Variants in CDH23 observed in about 807,000 individuals in gnomAD.
CDH23 encodes the protein cadherin-23.
A neutral mutation model predicts 317.1 loss-of-function variants in CDH23; 189 were observed. The observed-to-expected ratio is 0.60, with a 90% CI of 0.53 to 0.67. The LOEUF is 0.67. CDH23 is among the 30% of genes least tolerant of loss of function. The pLI is 0.00. For synonymous variants in CDH23, 1,839 were observed against 1,876.8 expected (o/e 0.98, Z 0.52); for missense variants, 4,401 against 4,592.4 (o/e 0.96, Z 1.20).
chr10:71,595,889 G>T (rs1859806969), intron 9 of CDH23, among the ~76,000 whole-genome samples: 1 of 152,172 alleles, frequency 6.6e-6, no homozygotes, highest in South Asian at 2.1e-4. Context: ...AAGCCCAGAG[G>T]TGACCACGTG....
intron 35 of CDH23, among the ~76,000 whole-genome samples, 186 bp from the exon 36 acceptor site, chr10:71,739,458 C>T (rs1589388601): frequency 6.6e-6 from 1 of 152,310 alleles, no homozygotes; most frequent in Non-Finnish European, 1.5e-5. Flanking sequence ...GCTACACTAC[C>T]TCCATGGGCC....
At chr10:71,586,997 T>C (rs1219839273) in intron 9 of CDH23, among the ~76,000 whole-genome samples, 1 of 152,244 alleles carries the variant, frequency 6.6e-6, no homozygotes, top group Non-Finnish European at 1.5e-5. Context: ...TGTGCTGCTA[T>C]GAACATCTGT....
chr10:71,429,969 C>A (rs572932324), intron 1 of CDH23, among the ~76,000 whole-genome samples: 1 of 152,182 alleles, frequency 6.6e-6, no homozygotes, highest in Non-Finnish European at 1.5e-5. Flanking sequence ...GTTCCAGCAG[C>A]GTTCCAAGGT....
rs80261750 is a variant in CDH23 at position 71,777,661 on chromosome 10, G to A, written c.4846-19G>A. On this transcript the variant is annotated intron_variant, in intron 38 of 69. Coordinates refer to ENST00000224721, the MANE Select transcript of CDH23 (RefSeq NM_022124.6). Reference sequence around the variant, plus strand: ...CCTCTGGCCACCTGACCAAGGACGTGACCCACTCTTTTCCACAGGCCACCA... The same window carrying A: ...CCTCTGGCCACCTGACCAAGGACGTAACCCACTCTTTTCCACAGGCCACCA... 160 of 1,596,968 alleles carry A rather than the reference G, an allele frequency of 1.0e-4. No individual in the cohort carries two copies. Among genetic ancestry groups the A allele is most frequent in the Non-Finnish European group, 1.3e-4 (153 of 1,172,294 alleles).
At chr10:71,706,833 C>A in intron 25 of CDH23, 64 bp from the exon 26 acceptor site, 1 of 1,530,892 alleles carries the variant, frequency 6.5e-7, no homozygotes, top group South Asian at 1.2e-5. Context: ...GGAGACGCTG[C>A]TCTGGAGCTG....
chr10:71,626,020 C>G (rs909656066), intron 11 of CDH23, among the ~76,000 whole-genome samples: 1 of 152,210 alleles, frequency 6.6e-6, no homozygotes, highest in African/African-American at 2.4e-5. Flanking sequence ...ATACCATTTA[C>G]GCTCATCACT....
At chr10:71,622,967 A>G (rs1861539314) in intron 11 of CDH23, 7 of 985,236 alleles carry the variant, frequency 7.1e-6, no homozygotes, top group African/African-American at 1.7e-5. Flanking sequence ...CTGAGGGACT[A>G]TGCTGAAACT....
chr10:71,679,266 G>A, intron 16 of CDH23, 121 bp from the exon 17 acceptor site: 2 of 740,680 alleles, frequency 2.7e-6, no homozygotes, highest in Non-Finnish European at 4.7e-6. Flanking sequence ...ACCCAGGGCT[G>A]GATCACCCAA....
At chr10:71,405,261 G>C (rs1012145527) in intron 1 of CDH23, among the ~76,000 whole-genome samples, 3 of 151,954 alleles carry the variant, frequency 2.0e-5, no homozygotes, top group Non-Finnish European at 2.9e-5. Flanking sequence ...CTCCTGCTCC[G>C]AACTGCCCCT....
rs1479799277 is a variant in CDH23 at position 71,446,496 on chromosome 10, A to C, written c.145+101A>C. The C allele has an allele frequency of 4.1e-6, 5 of 1,224,250 alleles. No homozygotes were observed. The East Asian group carries it at 1.2e-4, about 29-fold the overall frequency. The allele number at this position is 1,224,250 out of a possible 1,614,324, so 75.8% of individuals were successfully genotyped here. On this transcript the variant is annotated intron_variant, in intron 3 of 69. Coordinates refer to ENST00000224721, the MANE Select transcript of CDH23 (RefSeq NM_022124.6). ...ACAGGTTGAGGTCATCTTCCACCTG[A>C]TTTTGGAATCTTTTCCATTGTGTAG...
At chr10:71,813,470 C>A in intron 69 of CDH23, 122 bp downstream of exon 69, 1 of 859,116 alleles carries the variant, frequency 1.2e-6, no homozygotes, top group Admixed American at 2.1e-5. Context: ...CCAAAGACAG[C>A]AATGGGTGGG....
chr10:71,505,948 A>G (rs57377796), intron 3 of CDH23, among the ~76,000 whole-genome samples: 7,515 of 152,310 alleles, frequency 0.049, 637 homozygotes, highest in African/African-American at 0.17. Context: ...TCATAGCGGC[A>G]TTATTTCCAA....
chr10:71,625,349 G>A (rs571983054), intron 11 of CDH23, among the ~76,000 whole-genome samples: 6 of 129,034 alleles, frequency 4.6e-5, no homozygotes, highest in South Asian at 2.6e-4. Context: ...AAAAAAAAAC[G>A]GAAAGAATTA....
At chr10:71,651,365 G>GC (rs1863160942) in intron 14 of CDH23, among the ~76,000 whole-genome samples, 1 of 68,890 alleles carries the variant, frequency 1.5e-5, no homozygotes, top group Non-Finnish European at 3.0e-5. Flanking sequence ...CCCTGTCTCT[G>GC]CAAAAAAAAA....
chr10:71,617,065 C>T (rs1226128213), intron 10 of CDH23, 140 bp from the exon 11 acceptor site: 34 of 1,158,714 alleles, frequency 2.9e-5, no homozygotes, highest in Non-Finnish European at 4.0e-5. Flanking sequence ...ATAAAATCCT[C>T]CTCCTGGAGT....
Position 71,805,824 on chromosome 10 carries a change from A to G in CDH23, c.7891A>G (p.Asn2631Asp), listed in dbSNP as rs372692810. Reference protein sequence around the residue: ...HIREEIPLRSNVYEVYATDKD... With the variant: ...HIREEIPLRSDVYEVYATDKD... ...CCCACAGGAGATCCCGCTGCGCTCC[A>G]ACGTGTACGAGGTCTACGCCACGGA... Residue 2631 changes from asparagine (N) to aspartate (D), a missense_variant, in exon 56 of 70, where the codon AAC (asparagine) becomes GAC (aspartate). Asn to Asp is a conservative substitution (Grantham distance 23). Around this residue, in one of 3 missense-constraint regions of CDH23, gnomAD observed 1,144 missense variants for 1,138.2 expected, o/e 1.01. Transcript: ENST00000224721. 2 of 1,613,410 alleles carry G rather than the reference A, an allele frequency of 1.2e-6. No individual in the cohort carries two copies. Among genetic ancestry groups the G allele is most frequent in the African/African-American group, 2.7e-5 (2 of 74,912 alleles).
chr10:71,680,641 G>A lies in CDH23; in HGVS notation c.1858+1149G>A, dbSNP rs536176836. Among the ~76,000 whole-genome samples, 187 of 150,586 alleles carry A rather than the reference G, an allele frequency of 1.2e-3. 1 individual carries two copies. Among genetic ancestry groups the A allele is most frequent in the African/African-American group, 4.4e-3 (179 of 41,136 alleles). On this transcript the variant is annotated intron_variant, in intron 17 of 69. Coordinates refer to ENST00000224721, the MANE Select transcript of CDH23 (RefSeq NM_022124.6). ...TGTGCACCTGTAATCCCAGATACTCGGAAGGCTGAGGCAGGAGAATCACTT... is the reference window on the plus strand; with the variant it reads ...TGTGCACCTGTAATCCCAGATACTCAGAAGGCTGAGGCAGGAGAATCACTT...
chr10:71,467,217 G>T lies in CDH23; in HGVS notation c.145+20822G>T, dbSNP rs374351146. ...GCTGGGTCCTAAGACCTGAACCTCAGTTCAGTGTATTAACTGTACAGACAT... is the reference window on the plus strand; with the variant it reads ...GCTGGGTCCTAAGACCTGAACCTCATTTCAGTGTATTAACTGTACAGACAT... On this transcript the variant is annotated intron_variant, in intron 3 of 69. Coordinates refer to ENST00000224721, the MANE Select transcript of CDH23 (RefSeq NM_022124.6). Among the ~76,000 whole-genome samples the T allele has an allele frequency of 2.8e-4, 42 of 152,308 alleles. No homozygotes were observed. The South Asian group carries it at 8.3e-3, about 30-fold the overall frequency.
chr10:71,481,854 G>A (rs991331520), intron 3 of CDH23, among the ~76,000 whole-genome samples: 1 of 152,164 alleles, frequency 6.6e-6, no homozygotes, highest in Non-Finnish European at 1.5e-5. Flanking sequence ...CACTGTGTGG[G>A]GTCCTCTTGC....
Sources: gnomAD v4.1 joint callset for allele counts (sites outside exome capture counted in the v4.1 genomes callset) on GRCh38, gnomAD v4.1.1 for gene constraint, gnomAD v4.1.1 regional missense constraint, MANE v1.5 for transcripts, NCBI Gene and HGNC (gene_info 2026-07-23, HGNC 2026-07-21) for gene names.